The following TACC1 variants were observed in gnomAD, a reference collection of about 807,000 sequenced individuals.
The protein encoded by TACC1 is transforming acidic coiled-coil containing protein 1.
Under a neutral mutation model 84.4 loss-of-function variants are expected in TACC1, and 48 were observed. The ratio of observed to expected loss-of-function variants is 0.57; its 90% confidence interval spans 0.45 to 0.72. The LOEUF (loss-of-function observed/expected upper bound fraction) is 0.72. Among genes scored for constraint, TACC1 ranks in the 30% least tolerant of loss-of-function variants. The pLI, the probability that TACC1 is intolerant of heterozygous loss-of-function variation, is 0.00. For synonymous variants in TACC1, 372 were observed against 376.3 expected, an observed-to-expected ratio of 0.99 and a Z score of 0.13; for missense variants, 920 against 973.0, an observed-to-expected ratio of 0.95 and a Z score of 0.72.
intron 7 of TACC1, among the ~76,000 whole-genome samples, chr8:38,837,801 A>G (rs946688040): frequency 1.3e-5 from 2 of 152,374 alleles, no homozygotes; most frequent in Non-Finnish European, 2.9e-5. Context: ...GAGGCTGCCC[A>G]TGCAAGCCCA....
intron 1 of TACC1, among the ~76,000 whole-genome samples, chr8:38,736,850 T>A (rs1806064558): frequency 6.6e-6 from 1 of 152,062 alleles, no homozygotes; most frequent in Non-Finnish European, 1.5e-5. Flanking sequence ...ACTCTCTAAT[T>A]CTCTTATCTT....
intron 2 of TACC1, among the ~76,000 whole-genome samples, chr8:38,800,112 A>G (rs1821005325): frequency 6.6e-6 from 1 of 152,230 alleles, no homozygotes. Context: ...AGTGAGCCGT[A>G]ATCGCCCCAC....
At chr8:38,767,952 C>T (rs115925408) in intron 3 of TACC1, among the ~76,000 whole-genome samples, 1,975 of 152,044 alleles carry the variant, frequency 0.013, 42 homozygotes, top group African/African-American at 0.045. Context: ...CCTGTGGTCC[C>T]AGCTACTTGG....
In TACC1 at chr8:38,755,741, A is replaced by G. The variant is rs987052837; in HGVS notation, c.26+10248A>G. On this transcript the variant is annotated intron_variant, in intron 3 of 14. Transcript: ENST00000518415. ...CAACAACAACAACAACAACAACAAC[A>G]ACAACAACAACAGAGTGTTCCTGCC... Among the ~76,000 whole-genome samples, 614 of 94,142 alleles carry G rather than the reference A, an allele frequency of 6.5e-3. 8 individuals are homozygous for G. Among genetic ancestry groups the G allele is most frequent in the African/African-American group, 0.021 (573 of 27,860 alleles). The allele number at this position is 94,142 out of a possible 152,430, so 61.8% of individuals were successfully genotyped here.
At chr8:38,816,032 AT>A (rs1825369693) in intron 2 of TACC1, among the ~76,000 whole-genome samples, 2 of 152,028 alleles carry the variant, frequency 1.3e-5, no homozygotes. Context: ...AAGAACCTTG[AT>A]TTATGCAGGT....
chr8:38,831,034 C>G (rs1463349145), intron 5 of TACC1, 91 bp from the exon 6 acceptor site: 12 of 1,117,526 alleles, frequency 1.1e-5, no homozygotes, highest in African/African-American at 1.6e-5. Context: ...ATAAGTCATT[C>G]TCGCCTGCAC....
At chr8:38,831,999 G>A (rs768180382) in intron 6 of TACC1, among the ~76,000 whole-genome samples, 1 of 151,824 alleles carries the variant, frequency 6.6e-6, no homozygotes, top group Non-Finnish European at 1.5e-5. Flanking sequence ...TAGAGATGGG[G>A]TTTCACCATG....
intron 7 of TACC1, among the ~76,000 whole-genome samples, 160 bp from the exon 8 acceptor site, chr8:38,838,310 A>T (rs568257570): frequency 3.9e-5 from 6 of 152,360 alleles, no homozygotes; most frequent in African/African-American, 1.4e-4. Flanking sequence ...GTGGCTTAGA[A>T]TACACTTTTC....
At chr8:38,742,230 G>A (rs78981097) in intron 1 of TACC1, 53,914 of 448,618 alleles carry the variant, frequency 0.12, 3,570 homozygotes, top group Middle Eastern at 0.16. Flanking sequence ...CACACAGAGT[G>A]GCTGGTAGAA....
chr8:38,812,298 C>G (rs62506671), intron 2 of TACC1, among the ~76,000 whole-genome samples: 27,335 of 151,988 alleles, frequency 0.18, 3,291 homozygotes, highest in Non-Finnish European at 0.27. Flanking sequence ...ACTCCCTGTT[C>G]GTACACCCCC....
intron 1 of TACC1, among the ~76,000 whole-genome samples, chr8:38,730,948 G>T (rs1034644676): frequency 1.3e-5 from 2 of 152,082 alleles, no homozygotes; most frequent in Non-Finnish European, 2.9e-5. Flanking sequence ...TAGATACAGG[G>T]TCTTGCTGTG....
intron 2 of TACC1, among the ~76,000 whole-genome samples, chr8:38,804,557 TC>T (rs2152092044): frequency 6.6e-6 from 1 of 152,328 alleles, no homozygotes; most frequent in African/African-American, 2.4e-5. Flanking sequence ...AACCTCGGCC[TC>T]CCAAAGTGCT....
chr8:38,815,769 A>G lies in TACC1; in HGVS notation c.278-3753A>G, dbSNP rs560040129. On this transcript the variant is annotated intron_variant, in intron 2 of 12. Transcript: ENST00000317827. ...TATATTATAGTTGTAAAGATTAAAA[A>G]CATTAGTTTTAAAAACAGTGGGATT... Among the ~76,000 whole-genome samples, 74 of 152,222 alleles carry G rather than the reference A, an allele frequency of 4.9e-4. No homozygotes were observed. In the Middle Eastern group the frequency reaches 0.01, roughly 21 times the overall value.
chr8:38,757,729 A>G (rs994221084), intron 3 of TACC1, among the ~76,000 whole-genome samples: 2 of 152,060 alleles, frequency 1.3e-5, no homozygotes, highest in Non-Finnish European at 2.9e-5. Context: ...TGTCCTAAAG[A>G]GCTCTGAAAC....
At position 38,842,401 on chromosome 8, in the gene TACC1, T is replaced by C; in HGVS notation, c.2075T>C (p.Phe692Ser). 1 of 1,614,048 alleles carries C rather than the reference T, an allele frequency of 6.2e-7. No homozygotes were observed. The change falls in exon 10 of 13, where the codon TTC becomes TCC. Residue 692 changes from phenylalanine (F) to serine (S), a missense_variant. Physicochemically the swap from Phe to Ser is radical, Grantham distance 155. Around this residue, in one of 2 missense-constraint regions of TACC1, gnomAD observed 158 missense variants for 225.6 expected, o/e 0.70. Transcript: ENST00000317827. ...GTGGAAAGGTCCCTTTCTGATCTCT[T>C]CAGGAGATATGAGAACCTGAAAGGT... Reference protein sequence around the residue: ...NSVERSLSDLFRRYENLKGVL... With the variant: ...NSVERSLSDLSRRYENLKGVL...
rs199582197 is a variant in TACC1, at chr8:38,831,151, A to T, written c.1687A>T (p.Met563Leu). Residue 563 changes from methionine (M) to leucine (L), a missense_variant, in exon 6 of 13, where the codon ATG becomes TTG. Coordinates refer to ENST00000317827, the MANE Select transcript of TACC1 (RefSeq NM_006283.3). ...AGIEKETCQK[M>L]EEDGSTVLGL... is the part of the protein sequence containing the mutation. Reference sequence around the variant, plus strand: ...CATAGAGAAGGAGACGTGCCAGAAGATGGAAGAAGACGGGTCCACTGTGCT... The same window carrying T: ...CATAGAGAAGGAGACGTGCCAGAAGTTGGAAGAAGACGGGTCCACTGTGCT... The T allele has an allele frequency of 8.1e-6, 13 of 1,614,236 alleles. No individual in the cohort carries two copies. The highest frequency in any genetic ancestry group is 1.1e-5 in the Non-Finnish European group (13 of 1,180,028).
intron 2 of TACC1, among the ~76,000 whole-genome samples, chr8:38,812,781 A>T (rs984271793): frequency 6.6e-6 from 1 of 152,164 alleles, no homozygotes; most frequent in Non-Finnish European, 1.5e-5. Flanking sequence ...TCATTCTTTC[A>T]GTATTATTTA....
upstream of TACC1, among the ~76,000 whole-genome samples, chr8:38,786,451 T>C (rs543203479): frequency 5.3e-5 from 8 of 152,142 alleles, no homozygotes; most frequent in Non-Finnish European, 1.2e-4. Context: ...CCTGGAATCC[T>C]AGCATTTTGG....
intron 3 of TACC1, among the ~76,000 whole-genome samples, chr8:38,760,801 C>T (rs574669824): frequency 1.4e-4 from 22 of 152,296 alleles, no homozygotes; most frequent in African/African-American, 4.8e-4. Flanking sequence ...GGATTACAGG[C>T]GTGAGCCACT....
Sources: gnomAD v4.1 joint callset for allele counts (sites outside exome capture counted in the v4.1 genomes callset) on GRCh38, gnomAD v4.1.1 for gene constraint, gnomAD v4.1.1 regional missense constraint, MANE v1.5 for transcripts, NCBI Gene and HGNC (gene_info 2026-07-23, HGNC 2026-07-21) for gene names.